Variants in FBXL17 observed in about 807,000 individuals in gnomAD.
FBXL17 encodes the protein F-box and leucine rich repeat protein 17.
Under a neutral mutation model 66.2 loss-of-function variants are expected in FBXL17, and 22 were observed. The ratio of observed to expected loss-of-function variants is 0.33; its 90% confidence interval spans 0.24 to 0.47. The LOEUF (loss-of-function observed/expected upper bound fraction) is 0.47. Among genes scored for constraint, FBXL17 ranks in the 20% least tolerant of loss-of-function variants. FBXL17 has a pLI of 1.00. For synonymous variants in FBXL17, 474 were observed against 400.5 expected, an observed-to-expected ratio of 1.18 and a Z score of -2.19; for missense variants, 878 against 948.2, an observed-to-expected ratio of 0.93 and a Z score of 0.97.
At chr5:107,919,394 C>T (rs1372786985) in intron 7 of FBXL17, among the ~76,000 whole-genome samples, 3 of 152,062 alleles carry the variant, frequency 2.0e-5, no homozygotes, top group Non-Finnish European at 4.4e-5. Context: ...AGGTACCTCT[C>T]CTTTGTCTCC....
At chr5:108,229,990 A>G (rs1755257171) in intron 4 of FBXL17, among the ~76,000 whole-genome samples, 1 of 152,208 alleles carries the variant, frequency 6.6e-6, no homozygotes, top group African/African-American at 2.4e-5. Flanking sequence ...ACTAATGATC[A>G]GGGAAATGTA....
At chr5:108,279,619 C>A (rs948726956) in intron 4 of FBXL17, among the ~76,000 whole-genome samples, 36 of 148,494 alleles carry the variant, frequency 2.4e-4, no homozygotes, top group African/African-American at 8.6e-4. Flanking sequence ...TAGATCTTAA[C>A]CAAAAAGAAA....
chr5:108,262,194 G>A (rs1439091205), intron 4 of FBXL17, among the ~76,000 whole-genome samples: 2 of 150,878 alleles, frequency 1.3e-5, no homozygotes, highest in Non-Finnish European at 1.5e-5. Flanking sequence ...CTCCTGCCTC[G>A]GCCTCCCAAA....
chr5:107,978,031 A>C (rs1030836056), intron 7 of FBXL17, among the ~76,000 whole-genome samples: 23 of 152,152 alleles, frequency 1.5e-4, no homozygotes, highest in Non-Finnish European at 5.9e-5. Flanking sequence ...GCTTGTTAAA[A>C]CAGATTGCTG....
chr5:108,257,804 A>G (rs1046773501), intron 4 of FBXL17, among the ~76,000 whole-genome samples: 6 of 152,120 alleles, frequency 3.9e-5, no homozygotes, highest in Non-Finnish European at 8.8e-5. Context: ...TCACATACAT[A>G]TTGTATTATA....
At chr5:108,355,496 T>C (rs1747927983) in intron 3 of FBXL17, among the ~76,000 whole-genome samples, 1 of 152,086 alleles carries the variant, frequency 6.6e-6, no homozygotes, top group Admixed American at 6.6e-5. Flanking sequence ...TTGGCCAGGC[T>C]GGTCTCGAAC....
rs960055750 is a variant in FBXL17, at chr5:108,260,978, T to C, written c.1507-36750A>G. On this transcript the variant is annotated intron_variant, in intron 4 of 8. Transcript: ENST00000542267. The stretch of plus-strand genomic sequence containing the variant: ...ACATGCCAATAATTCAAAATAAACA[T>C]GATATAGCTAAGGCACTAAGGAAAG... 4.6e-5 allele frequency among the ~76,000 whole-genome samples: 7 copies of C among 151,922 alleles called. No homozygotes were observed. The South Asian group carries it at 1.2e-3, about 27-fold the overall frequency.
chr5:107,951,856 T>C (rs1329223318), intron 7 of FBXL17, among the ~76,000 whole-genome samples: 8 of 152,242 alleles, frequency 5.3e-5, no homozygotes, highest in African/African-American at 1.4e-4. Context: ...ACAAAAATTC[T>C]CTGCACAGCA....
chr5:108,379,929 A>G (rs1392005282), intron 1 of FBXL17, among the ~76,000 whole-genome samples: 4 of 152,196 alleles, frequency 2.6e-5, no homozygotes, highest in African/African-American at 4.8e-5. Flanking sequence ...CAAGGGTTAA[A>G]ATGTAGAAGG....
chr5:108,096,717 G>A (rs1274243722), intron 6 of FBXL17, among the ~76,000 whole-genome samples: 1 of 152,212 alleles, frequency 6.6e-6, no homozygotes, highest in East Asian at 1.9e-4. Context: ...GATGGCCAGT[G>A]AGTATGGAAG....
chr5:108,129,099 A>G (rs191327644), intron 6 of FBXL17, among the ~76,000 whole-genome samples: 5 of 152,176 alleles, frequency 3.3e-5, no homozygotes, highest in African/African-American at 1.2e-4. Flanking sequence ...CTTGACTATC[A>G]TTAGTGGAAA....
intron 7 of FBXL17, among the ~76,000 whole-genome samples, chr5:107,970,583 T>TA (rs1232031304): frequency 1.3e-5 from 2 of 152,184 alleles, no homozygotes; most frequent in African/African-American, 4.8e-5. Flanking sequence ...CTATCAACTC[T>TA]ACTAGAAGGC....
chr5:108,366,208 A>T (rs2112577097), intron 2 of FBXL17, among the ~76,000 whole-genome samples: 1 of 152,178 alleles, frequency 6.6e-6, no homozygotes, highest in East Asian at 1.9e-4. Flanking sequence ...TTTTTCTCAG[A>T]CGACTCAATT....
At chr5:107,980,664 A>ATATATATATATTTTTTTTTTTTTTT in intron 7 of FBXL17, among the ~76,000 whole-genome samples, 1 of 62,102 alleles carries the variant, frequency 1.6e-5, no homozygotes, top group African/African-American at 1.0e-4. Flanking sequence ...ATATATATAT[A>ATATATATATATTTTTTTTTTTTTTT]TTTTTTTTTT....
chr5:108,374,503 T>C (rs74722094), intron 1 of FBXL17, among the ~76,000 whole-genome samples: 1 of 151,936 alleles, frequency 6.6e-6, no homozygotes, highest in Non-Finnish European at 1.5e-5. Context: ...AAAACTCCCA[T>C]CTCTACCAAA....
At chr5:108,288,021 C>T (rs1003472561) in intron 4 of FBXL17, among the ~76,000 whole-genome samples, 2 of 151,838 alleles carry the variant, frequency 1.3e-5, no homozygotes, top group African/African-American at 4.8e-5. Flanking sequence ...GAACAGAAAA[C>T]CAAATACTAC....
chr5:108,070,993 T>G (rs538415170), intron 6 of FBXL17, among the ~76,000 whole-genome samples: 1 of 152,336 alleles, frequency 6.6e-6, no homozygotes, highest in African/African-American at 2.4e-5. Context: ...CATAACACTT[T>G]CATTTTTAAA....
intron 7 of FBXL17, chr5:108,020,685 C>A (rs928405240): frequency 5.8e-5 from 18 of 312,332 alleles, no homozygotes; most frequent in Non-Finnish European, 8.9e-5. Context: ...TGTGTGTGTG[C>A]AAACATACAT....
Position 108,214,076 on chromosome 5 carries a change from C to T in FBXL17, c.1614+10045G>A, listed in dbSNP as rs181469008. Among the ~76,000 whole-genome samples the T allele has an allele frequency of 1.4e-4, 21 of 152,308 alleles. 1 individual carries two copies. In the South Asian group the frequency reaches 4.1e-3, roughly 30 times the overall value. On this transcript the variant is annotated intron_variant, in intron 5 of 8. Coordinates refer to ENST00000542267, the MANE Select transcript of FBXL17 (RefSeq NM_001163315.3). ...ACTTTGAAGGGGTGGGGAGACCACA[C>T]TCACATCACTTTTATAACAACATAT...
Sources: allele counts gnomAD v4.1 joint callset (sites outside exome capture counted in the v4.1 genomes callset), GRCh38; gene constraint gnomAD v4.1.1; transcripts MANE v1.5; gene names NCBI Gene and HGNC (gene_info 2026-07-23, HGNC 2026-07-21).